The following TAFA1 variants were observed in gnomAD, a reference collection of about 807,000 sequenced individuals.
The protein encoded by TAFA1 is chemokine-like protein TAFA-1.
In TAFA1, 4 loss-of-function variants were observed where a neutral mutation model predicts 18.5. That is an observed-to-expected ratio of 0.22 (90% CI 0.11 to 0.49). The LOEUF is 0.49. TAFA1 is among the 20% of genes least tolerant of loss of function. The probability of loss-of-function intolerance (pLI) is 0.98; values close to 1 mark genes in which losing one functional copy is unlikely to be tolerated. For synonymous variants in TAFA1, 56 were observed against 55.2 expected (o/e 1.01, Z -0.06); for missense variants, 147 against 169.0 (o/e 0.87, Z 0.72).
chr3:68,394,162 GACAA>G (rs932018176), intron 2 of TAFA1, among the ~76,000 whole-genome samples: 4 of 152,078 alleles, frequency 2.6e-5, no homozygotes, highest in African/African-American at 9.7e-5. Flanking sequence ...ACCAATAATA[GACAA>G]ACAGAGCCAA....
At chr3:68,495,896 A>G (rs1182867903) in intron 3 of TAFA1, among the ~76,000 whole-genome samples, 2 of 150,014 alleles carry the variant, frequency 1.3e-5, no homozygotes, top group African/African-American at 4.9e-5. Context: ...CTGTGCAGAT[A>G]GTGATTTCAG....
chr3:68,112,646 G>A (rs1371181495), intron 2 of TAFA1, among the ~76,000 whole-genome samples: 1 of 151,688 alleles, frequency 6.6e-6, no homozygotes, highest in Non-Finnish European at 1.5e-5. Context: ...AGTAATGCAA[G>A]AAAAAAATAA....
chr3:68,409,176 G>T (rs2070666725), intron 2 of TAFA1, among the ~76,000 whole-genome samples: 1 of 152,032 alleles, frequency 6.6e-6, no homozygotes, highest in Non-Finnish European at 1.5e-5. Flanking sequence ...TTTTATTTTT[G>T]AAGCAATTCT....
intron 2 of TAFA1, among the ~76,000 whole-genome samples, chr3:68,059,086 T>C (rs1171824311): frequency 6.6e-6 from 1 of 152,168 alleles, no homozygotes; most frequent in East Asian, 1.9e-4. Flanking sequence ...CTTCAAACTT[T>C]CTCCAGGAGC....
At position 68,298,588 on chromosome 3, in the gene TAFA1, G is replaced by A. The variant is rs551274568; in HGVS notation, c.119-118692G>A. Among the ~76,000 whole-genome samples the A allele has an allele frequency of 2.0e-5, 3 of 152,314 alleles. No individual in the cohort carries two copies. In the East Asian group the frequency reaches 5.8e-4, roughly 29 times the overall value. On this transcript the variant is annotated intron_variant, in intron 2 of 4. Transcript: ENST00000478136. ...CTCACAATCCCCATGTGTCAAGGGA[G>A]AGACCAGGTGGAGGTAATTGAATCA...
chr3:68,273,474 T>A (rs1294058500), intron 2 of TAFA1, among the ~76,000 whole-genome samples: 1 of 152,204 alleles, frequency 6.6e-6, no homozygotes, highest in Non-Finnish European at 1.5e-5. Flanking sequence ...ATGCTTTAGG[T>A]AAATTTGTCA....
intron 2 of TAFA1, among the ~76,000 whole-genome samples, chr3:68,404,839 G>A (rs914520324): frequency 1.3e-5 from 2 of 151,354 alleles, no homozygotes; most frequent in Admixed American, 6.6e-5. Flanking sequence ...TTTGCAGTTT[G>A]AGATCAGTTT....
intron 2 of TAFA1, among the ~76,000 whole-genome samples, chr3:68,089,144 G>T (rs914247927): frequency 1.3e-5 from 2 of 152,084 alleles, no homozygotes. Context: ...TGAATATGAA[G>T]CTGGATATGT....
rs568055039 is a variant in TAFA1, at chr3:68,379,709, A to G, written c.119-37571A>G. ...TTGGGTTTTTACATTTAAGTCTTTA[A>G]TCCATTTTAAGTTGATTTTTTTTTT... On this transcript the variant is annotated intron_variant, in intron 2 of 4. Coordinates refer to ENST00000478136, the MANE Select transcript of TAFA1 (RefSeq NM_213609.4). Among the ~76,000 whole-genome samples the G allele has an allele frequency of 3.5e-3, 465 of 134,776 alleles. 1 individual carries two copies. Among genetic ancestry groups the G allele is most frequent in the African/African-American group, 0.011 (436 of 38,666 alleles). The allele number at this position is 134,776 out of a possible 152,430, so 88.4% of individuals were successfully genotyped here.
intron 2 of TAFA1, among the ~76,000 whole-genome samples, chr3:68,105,231 C>T (rs952713628): frequency 1.8e-4 from 28 of 152,240 alleles, no homozygotes; most frequent in African/African-American, 6.7e-4. Context: ...TTGGGGATCA[C>T]ATTTCAACAT....
chr3:68,184,845 A>G (rs2066250917), intron 2 of TAFA1, among the ~76,000 whole-genome samples: 1 of 152,054 alleles, frequency 6.6e-6, no homozygotes, highest in Non-Finnish European at 1.5e-5. Flanking sequence ...TCACTCTTCA[A>G]CCCAATGTGA....
rs566978130 is a variant in TAFA1, at chr3:68,140,297, C to T, written c.118+133553C>T. 2.8e-3 allele frequency among the ~76,000 whole-genome samples: 423 copies of T among 152,222 alleles called. 3 individuals are homozygous for T. The highest frequency in any genetic ancestry group is 9.8e-3 in the African/African-American group (406 of 41,528). On this transcript the variant is annotated intron_variant, in intron 2 of 4. Coordinates refer to ENST00000478136, the MANE Select transcript of TAFA1 (RefSeq NM_213609.4). ...ACTGCATATAAAGGTGATCTGCTCC[C>T]AAAACTCCGAAGGAAGGAGCTTGGG...
rs139811112 is a variant in TAFA1, at chr3:68,010,405, C to A, written c.118+3661C>A. 1.4e-4 allele frequency among the ~76,000 whole-genome samples: 22 copies of A among 152,292 alleles called. No individual in the cohort carries two copies. The East Asian group carries it at 4.0e-3, about 28-fold the overall frequency. On this transcript the variant is annotated intron_variant, in intron 2 of 4. Transcript: ENST00000478136. ...GATTGCCTCACCTGGATGGCACCAGCCAGCCAGGGTCCTTTAGGGGAAATG... is the reference window on the plus strand; with the variant it reads ...GATTGCCTCACCTGGATGGCACCAGACAGCCAGGGTCCTTTAGGGGAAATG...
chr3:68,360,635 G>A (rs2069452395), intron 2 of TAFA1, among the ~76,000 whole-genome samples: 1 of 151,874 alleles, frequency 6.6e-6, no homozygotes, highest in Admixed American at 6.6e-5. Context: ...TATTGCCACA[G>A]TTAGTCATTT....
intron 2 of TAFA1, among the ~76,000 whole-genome samples, chr3:68,370,673 G>T (rs2069687591): frequency 6.7e-6 from 1 of 148,248 alleles, no homozygotes; most frequent in South Asian, 2.1e-4. Context: ...AATCTTATGA[G>T]AATTAGAAGT....
chr3:68,165,762 C>G (rs943748818), intron 2 of TAFA1, among the ~76,000 whole-genome samples: 5 of 152,192 alleles, frequency 3.3e-5, no homozygotes, highest in African/African-American at 1.2e-4. Context: ...ACCCTCCCCT[C>G]TTGTCTAAAA....
intron 2 of TAFA1, among the ~76,000 whole-genome samples, chr3:68,282,418 C>T (rs1389989268): frequency 8.1e-6 from 1 of 123,842 alleles, no homozygotes; most frequent in Non-Finnish European, 1.7e-5. Flanking sequence ...GTAAATGTGT[C>T]ATAAAAAAAA....
At chr3:68,052,207 A>T (rs1171038441) in intron 2 of TAFA1, among the ~76,000 whole-genome samples, 1 of 152,144 alleles carries the variant, frequency 6.6e-6, no homozygotes, top group Non-Finnish European at 1.5e-5. Flanking sequence ...AGAAACCACC[A>T]TGACCTCTTC....
intron 2 of TAFA1, among the ~76,000 whole-genome samples, chr3:68,305,411 A>ATATGAC (rs2068391614): frequency 0.018 from 158 of 8,934 alleles, no homozygotes; most frequent in East Asian, 0.03. Context: ...CTATATGACT[A>ATATGAC]TATATATATA....
Sources: gnomAD v4.1 joint callset for allele counts (sites outside exome capture counted in the v4.1 genomes callset) on GRCh38, gnomAD v4.1.1 for gene constraint, MANE v1.5 for transcripts, NCBI Gene and HGNC (gene_info 2026-07-23, HGNC 2026-07-21) for gene names.